Variants in SDK1 observed in about 807,000 individuals in gnomAD.
SDK1 encodes the protein sidekick cell adhesion molecule 1.
Under a neutral mutation model 245.5 loss-of-function variants are expected in SDK1, and 157 were observed. That is an observed-to-expected ratio of 0.64 (90% CI 0.56 to 0.73). The LOEUF (loss-of-function observed/expected upper bound fraction) is 0.73, where lower values mean the gene tolerates loss of function less well. Ranked by LOEUF, SDK1 falls within the 30% of genes least tolerant of loss-of-function variation. The probability of loss-of-function intolerance (pLI) is 0.00; values close to 1 mark genes in which losing one functional copy is unlikely to be tolerated. For missense variants in SDK1, 3,583 were observed against 3,002.3 expected, an observed-to-expected ratio of 1.19 and a Z score of -4.52; for synonymous variants, 1,647 against 1,278.5, an observed-to-expected ratio of 1.29 and a Z score of -6.15.
chr7:3,398,812 C>T (rs1435193276), intron 1 of SDK1, among the ~76,000 whole-genome samples: 1 of 148,400 alleles, frequency 6.7e-6, no homozygotes, highest in Non-Finnish European at 1.5e-5. Context: ...ACTCAGCCTC[C>T]AGCAAATAGT....
chr7:4,088,956 A>G (rs988539953), intron 22 of SDK1, among the ~76,000 whole-genome samples: 2 of 151,516 alleles, frequency 1.3e-5, no homozygotes, highest in African/African-American at 4.9e-5. Context: ...CATCTGCACA[A>G]TGAGGCCCCT....
chr7:3,355,544 G>A (rs1041343708), intron 1 of SDK1, among the ~76,000 whole-genome samples: 4 of 151,964 alleles, frequency 2.6e-5, no homozygotes, highest in South Asian at 2.1e-4. Flanking sequence ...TTTCTTCTCC[G>A]TTCTTTGCAT....
At chr7:4,105,532 C>G (rs1782845032) in intron 22 of SDK1, among the ~76,000 whole-genome samples, 1 of 150,562 alleles carries the variant, frequency 6.6e-6, no homozygotes, top group African/African-American at 2.4e-5. Flanking sequence ...GTCTTGATCT[C>G]TTGACCTCGT....
At chr7:3,983,633 G>C (rs1348818287) in intron 13 of SDK1, among the ~76,000 whole-genome samples, 1 of 152,206 alleles carries the variant, frequency 6.6e-6, no homozygotes, top group African/African-American at 2.4e-5. Flanking sequence ...ACTTCATTGT[G>C]GTGGTCGGGA....
intron 1 of SDK1, among the ~76,000 whole-genome samples, chr7:3,599,092 T>A (rs1227529686): frequency 5.7e-3 from 25 of 4,418 alleles, no homozygotes; most frequent in Non-Finnish European, 0.016. Context: ...TAATCCACCT[T>A]TTTTTTTTTT....
chr7:3,302,390 C>T (rs1486294157), intron 1 of SDK1: 3 of 152,172 alleles, frequency 2.0e-5, no homozygotes, highest in Non-Finnish European at 4.4e-5. Context: ...GTCCCAAAGC[C>T]CGACCCCAAG....
At position 4,210,092 on chromosome 7, in the gene SDK1, C is replaced by T. The variant is rs766373765; in HGVS notation, c.5469C>T (p.Gly1823=). 3.5e-5 allele frequency: 57 copies of T among 1,610,246 alleles called. No homozygotes were observed. Among genetic ancestry groups the T allele is most frequent in the South Asian group, 1.2e-4 (11 of 90,470 alleles). ...CCACCACGCTCAACGTGTCCTGGGG[C>T]GAGCCTGCGGCGGCCAACGGCATCC... ...ITSTTLNVSW[G]EPAAANGILQ... The change falls in exon 38 of 45, where the codon GGC becomes GGT. Residue 1823 remains glycine (G), a synonymous_variant. Coordinates refer to ENST00000404826, the MANE Select transcript of SDK1 (RefSeq NM_152744.4).
At chr7:4,204,647 G>A (rs1054004560) in intron 35 of SDK1, among the ~76,000 whole-genome samples, 2 of 152,124 alleles carry the variant, frequency 1.3e-5, no homozygotes, top group Admixed American at 6.6e-5. Context: ...CGTCTCCATC[G>A]ATGGTCCGTA....
At chr7:3,813,886 G>GT (rs1779445790) in intron 4 of SDK1, among the ~76,000 whole-genome samples, 1 of 128,696 alleles carries the variant, frequency 7.8e-6, no homozygotes, top group African/African-American at 3.2e-5. Context: ...TTTTTCATGT[G>GT]TTTTTTGGCT....
At chr7:3,490,506 G>A (rs753337210) in intron 1 of SDK1, among the ~76,000 whole-genome samples, 16 of 152,014 alleles carry the variant, frequency 1.1e-4, no homozygotes, top group Admixed American at 2.6e-4. Flanking sequence ...ATTACCATTC[G>A]TTTTCTTCTG....
chr7:3,906,399 T>TGAGA (rs148339952), intron 5 of SDK1, among the ~76,000 whole-genome samples: 4 of 149,920 alleles, frequency 2.7e-5, no homozygotes, highest in African/African-American at 9.8e-5. Context: ...TGTGTGTGTG[T>TGAGA]GAGAGAGAGA....
chr7:4,199,182 T>C (rs1469939266), intron 35 of SDK1, among the ~76,000 whole-genome samples: 1 of 152,122 alleles, frequency 6.6e-6, no homozygotes, highest in African/African-American at 2.4e-5. Flanking sequence ...AAACTGCATA[T>C]AATGCAGTTA....
chr7:3,980,813 G>C (rs1362023896), intron 13 of SDK1, among the ~76,000 whole-genome samples: 1 of 152,042 alleles, frequency 6.6e-6, no homozygotes, highest in Non-Finnish European at 1.5e-5. Context: ...GTGGTGTTGG[G>C]CACCTGTAAT....
intron 25 of SDK1, among the ~76,000 whole-genome samples, chr7:4,115,556 G>A (rs1013096283): frequency 1.3e-5 from 2 of 152,134 alleles, no homozygotes; most frequent in African/African-American, 4.8e-5. Flanking sequence ...TTTTGCTGTC[G>A]TAGACATGGC....
chr7:4,036,165 C>T (rs1443960223), intron 17 of SDK1, among the ~76,000 whole-genome samples: 1 of 152,204 alleles, frequency 6.6e-6, no homozygotes, highest in Non-Finnish European at 1.5e-5. Flanking sequence ...TAGGAGGTCA[C>T]AATTGCTGGG....
intron 4 of SDK1, among the ~76,000 whole-genome samples, chr7:3,737,922 T>A (rs975398710): frequency 1.3e-5 from 2 of 152,248 alleles, no homozygotes; most frequent in African/African-American, 4.8e-5. Context: ...ACCCTTCTAA[T>A]GAAACTTTTC....
In SDK1 at chr7:4,233,140, C is replaced by T; in HGVS notation, c.5828-115C>T. The T allele has an allele frequency of 5.4e-6, 5 of 926,500 alleles. No individual in the cohort carries two copies. In the South Asian group the frequency reaches 7.8e-5, roughly 14 times the overall value. The allele number at this position is 926,500 out of a possible 1,614,324, so 57.4% of individuals were successfully genotyped here. ...TCAGCACTCACTCCGCATCCAGTGC[C>T]CCTGATGCCTCATCCAGGGCTGCTG... On this transcript the variant is annotated intron_variant, in intron 40 of 44. Coordinates refer to ENST00000404826, the MANE Select transcript of SDK1 (RefSeq NM_152744.4).
intron 1 of SDK1, among the ~76,000 whole-genome samples, chr7:3,397,013 T>C (rs947947430): frequency 6.6e-6 from 1 of 151,850 alleles, no homozygotes; most frequent in South Asian, 2.1e-4. Context: ...TTTTAGTATA[T>C]ATTTTGAGTT....
chr7:4,138,409 G>C (rs1037089762), intron 28 of SDK1, among the ~76,000 whole-genome samples: 2 of 152,188 alleles, frequency 1.3e-5, no homozygotes, highest in Non-Finnish European at 1.5e-5. Flanking sequence ...CTCATACTGA[G>C]TGTGGAAATC....
Sources: allele counts gnomAD v4.1 joint callset (sites outside exome capture counted in the v4.1 genomes callset), GRCh38; gene constraint gnomAD v4.1.1; transcripts MANE v1.5; gene names NCBI Gene and HGNC (gene_info 2026-07-23, HGNC 2026-07-21).